The following NIN variants were observed in gnomAD, a reference collection of about 807,000 sequenced individuals.
NIN encodes the protein ninein.
A neutral mutation model predicts 257.6 loss-of-function variants in NIN; 137 were observed. The observed-to-expected ratio is 0.53, with a 90% CI of 0.46 to 0.61. The LOEUF (loss-of-function observed/expected upper bound fraction) is 0.61, where lower values mean the gene tolerates loss of function less well. Among genes scored for constraint, NIN ranks in the 20% least tolerant of loss-of-function variants. The pLI is 0.00. For missense variants in NIN, 2,439 were observed against 2,501.2 expected (o/e 0.98, Z 0.53); for synonymous variants, 918 against 919.8 (o/e 1.00, Z 0.04).
intron 5 of NIN, among the ~76,000 whole-genome samples, chr14:50,791,809 A>G (rs1053116772): frequency 2.1e-4 from 23 of 108,260 alleles, no homozygotes; most frequent in African/African-American, 1.2e-3. Flanking sequence ...GTGCACGCGC[A>G]CACACACACA....
At chr14:50,806,658 T>C (rs2044341336) in intron 4 of NIN, 79 bp downstream of exon 4, 1 of 756,690 alleles carries the variant, frequency 1.3e-6, no homozygotes, top group South Asian at 1.6e-5. Flanking sequence ...ATCCTTCATA[T>C]ACATGCTTCA....
At chr14:50,767,730 T>C (rs1440416157) in intron 12 of NIN, among the ~76,000 whole-genome samples, 1 of 149,704 alleles carries the variant, frequency 6.7e-6, no homozygotes, top group Non-Finnish European at 1.5e-5. Context: ...GGCGGGAGAA[T>C]GGTGTGAACC....
At chr14:50,741,353 T>C (rs1163545019) in intron 25 of NIN, among the ~76,000 whole-genome samples, 2 of 152,156 alleles carry the variant, frequency 1.3e-5, no homozygotes, top group African/African-American at 4.8e-5. Context: ...TGGCAGAGGG[T>C]ACAAAAGTGG....
rs771731704 is a variant in NIN, at chr14:50,759,814, G to A, written c.2399+43C>T. 15 of 1,560,984 alleles carry A rather than the reference G, an allele frequency of 9.6e-6. No individual in the cohort carries two copies. The South Asian group carries it at 1.7e-4, about 18-fold the overall frequency. ...ACAACTGGCACTTCTAATGCCCCGA[G>A]GGATGGTGCCCCAGGTAGCTTCATT... On this transcript the variant is annotated intron_variant, in intron 17 of 30. Coordinates refer to ENST00000530997, the MANE Select transcript of NIN (RefSeq NM_020921.4).
chr14:50,781,917 T>C (rs1044090531), intron 5 of NIN, among the ~76,000 whole-genome samples: 17 of 152,180 alleles, frequency 1.1e-4, no homozygotes, highest in Middle Eastern at 3.4e-3. Flanking sequence ...GAGGTATCTG[T>C]TATGGATATA....
chr14:50,761,710 A>G, intron 16 of NIN, 80 bp downstream of exon 16: 1 of 1,528,342 alleles, frequency 6.5e-7, no homozygotes, highest in Non-Finnish European at 9.0e-7. Flanking sequence ...TATGAGAAAA[A>G]AGAATTGGAA....
In NIN at chr14:50,801,697, G is replaced by T. The variant is rs191896266; in HGVS notation, c.265+5040C>A. ...ACAATTGCTGAGTAAATGAAAAAAT[G>T]TCTGTTAACTGTATGTATCACTTCT... On this transcript the variant is annotated intron_variant, in intron 4 of 30. Transcript: ENST00000530997. Among the ~76,000 whole-genome samples the T allele has an allele frequency of 8.1e-4, 123 of 152,314 alleles. 2 individuals carry two copies. The highest frequency in any genetic ancestry group is 2.9e-3 in the East Asian group (15 of 5,186).
intron 24 of NIN, 31 bp downstream of exon 24, chr14:50,743,385 C>G (rs764928512): frequency 7.5e-7 from 1 of 1,335,966 alleles, no homozygotes; most frequent in Non-Finnish European, 1.1e-6. Flanking sequence ...GAATACTAAC[C>G]GTGAAGATGA....
chr14:50,781,341 TC>T (rs1378155146), intron 5 of NIN, among the ~76,000 whole-genome samples: 1 of 151,664 alleles, frequency 6.6e-6, no homozygotes, highest in Admixed American at 6.6e-5. Flanking sequence ...ATAAAGAGAG[TC>T]CCAGTTGGAA....
intron 29 of NIN, 137 bp from the exon 30 acceptor site, chr14:50,726,203 G>C (rs114223925): frequency 1.5e-6 from 1 of 659,478 alleles, no homozygotes; most frequent in Non-Finnish European, 2.6e-6. Context: ...CTCATGAAAT[G>C]AGAGTTTTGA....
At chr14:50,795,839 C>T (rs1008060116) in intron 4 of NIN, among the ~76,000 whole-genome samples, 2 of 151,734 alleles carry the variant, frequency 1.3e-5, no homozygotes, top group African/African-American at 2.4e-5. Context: ...ATTAGCCAGG[C>T]GTGGCGGCTC....
rs976813403 is a variant in NIN at position 50,818,332 on chromosome 14, A to C, written c.183+3542T>G. 8.5e-4 allele frequency among the ~76,000 whole-genome samples: 129 copies of C among 151,838 alleles called. 2 individuals are homozygous for C. The East Asian group carries it at 0.021, about 25-fold the overall frequency. ...CGAGACTCTGTCAAAAAAAAAAAAA[A>C]AAAAAAACACTGGATATAACTAAAT... On this transcript the variant is annotated intron_variant, in intron 3 of 30. Coordinates refer to ENST00000530997, the MANE Select transcript of NIN (RefSeq NM_020921.4).
intron 4 of NIN, among the ~76,000 whole-genome samples, chr14:50,793,682 T>C (rs960901154): frequency 2.0e-5 from 3 of 152,142 alleles, no homozygotes; most frequent in African/African-American, 7.2e-5. Context: ...ACTGACCACC[T>C]TCCCCGTTAC....
At chr14:50,755,648 CTTTTTTTTTTT>C (rs71118900) in intron 18 of NIN, among the ~76,000 whole-genome samples, 4 of 79,992 alleles carry the variant, frequency 5.0e-5, no homozygotes, top group African/African-American at 2.6e-4. Flanking sequence ...TGTTTTGTCT[CTTTTTTTTTTT>C]TTTTTTTTTT....
intron 3 of NIN, among the ~76,000 whole-genome samples, chr14:50,811,639 C>T (rs1489711445): frequency 2.1e-5 from 3 of 146,116 alleles, no homozygotes; most frequent in African/African-American, 7.6e-5. Context: ...GTGGCTCACA[C>T]CTGTAATCCC....
At chr14:50,770,669 T>A (rs540815466) in intron 11 of NIN, 107 bp from the exon 12 acceptor site, 304 of 1,401,336 alleles carry the variant, frequency 2.2e-4, no homozygotes, top group Non-Finnish European at 2.8e-4. Flanking sequence ...AGCACCTGGA[T>A]AAAATATCTA....
chr14:50,758,122 C>A lies in NIN; in HGVS notation c.2908G>T (p.Glu970Ter). The change falls in exon 18 of 31, where the codon GAA (glutamate) becomes TAA (stop). Residue 970 changes from glutamate (E) to a stop codon, truncating the protein, a stop_gained. Coordinates refer to ENST00000530997, the MANE Select transcript of NIN (RefSeq NM_020921.4). LOFTEE classifies it high-confidence loss of function. ...ASEQLASQRL[E>*]RLEMEHDQER... ...TGGTCATGTTCCATTTCTAGTCTTT[C>A]CAGCCGCTGGCTGGCCAGCTGCTCC... The A allele has an allele frequency of 1.2e-6, 2 of 1,614,210 alleles. No homozygotes were observed. Among genetic ancestry groups the A allele is most frequent in the Non-Finnish European group, 1.7e-6 (2 of 1,180,040 alleles).
In NIN at chr14:50,794,404, A is replaced by G. The variant is rs140751186; in HGVS notation, c.266-1523T>C. 2.2e-4 allele frequency: 153 copies of G among 680,566 alleles called. No individual in the cohort carries two copies. In the African/African-American group the frequency reaches 2.8e-3, roughly 12 times the overall value. The allele number at this position is 680,566 out of a possible 1,614,324, so 42.2% of individuals were successfully genotyped here. The stretch of plus-strand genomic sequence containing the variant: ...GGAAGTGTTTAAGCATACAAAATTT[A>G]TACTGAAAATTGCATGCATATTTGA... On this transcript the variant is annotated intron_variant, in intron 4 of 30. Transcript: ENST00000530997.
intron 4 of NIN, among the ~76,000 whole-genome samples, chr14:50,801,779 G>A (rs2044113765): frequency 6.6e-6 from 1 of 152,218 alleles, no homozygotes; most frequent in Admixed American, 6.5e-5. Context: ...AGGAAGGTCT[G>A]TTACAATGAA....
Sources: allele counts gnomAD v4.1 joint callset (sites outside exome capture counted in the v4.1 genomes callset), GRCh38; gene constraint gnomAD v4.1.1; transcripts MANE v1.5; gene names NCBI Gene and HGNC (gene_info 2026-07-23, HGNC 2026-07-21).